ZNF184: variants seen among roughly 807,000 people sequenced by gnomAD.
ZNF184 encodes zinc finger protein 184.
Under a neutral mutation model 54.4 loss-of-function variants are expected in ZNF184, and 16 were observed. That is an observed-to-expected ratio of 0.29 (90% CI 0.20 to 0.45). The LOEUF is 0.45. Among genes scored for constraint, ZNF184 ranks in the 20% least tolerant of loss-of-function variants. The pLI is 1.00. For synonymous variants in ZNF184, 254 were observed against 295.3 expected (o/e 0.86, Z 1.43); for missense variants, 681 against 888.2 (o/e 0.77, Z 2.97).
intron 3 of ZNF184, among the ~76,000 whole-genome samples, chr6:27,459,232 C>T (rs1581580933): frequency 1.3e-5 from 2 of 151,954 alleles, no homozygotes; most frequent in South Asian, 2.1e-4. Flanking sequence ...AGAGAGGATT[C>T]GGAATATTCA....
Position 27,472,411 on chromosome 6 carries a change from G to T in ZNF184, c.-117C>A. ...GTCTAACTCCCCTTGCAGGGAATCT[G>T]CAACACGCTGAGGTTGTCTACCCTA... On this transcript the variant is annotated 5_prime_UTR_variant, in exon 2 of 6. Transcript: ENST00000683788. This position sits in a 1 kb window ranked among gnomAD's most constrained non-coding sequence, Gnocchi z 4.8. The T allele has an allele frequency of 7.5e-7, 1 of 1,341,258 alleles. No individual in the cohort carries two copies. The highest frequency in any genetic ancestry group is 1.1e-6 in the Non-Finnish European group (1 of 948,898). 83.1% of individuals were successfully genotyped at this position (1,341,258 alleles called of 1,614,324 possible). A position where few individuals can be genotyped will look rare whatever the true frequency, so the allele number is the denominator to read the frequency against.
intron 3 of ZNF184, among the ~76,000 whole-genome samples, chr6:27,458,877 C>A (rs1422855806): frequency 6.6e-6 from 1 of 152,174 alleles, no homozygotes; most frequent in African/African-American, 2.4e-5. Context: ...TATATATACA[C>A]AAGGGAATAC....
the ZNF184 span, among the ~76,000 whole-genome samples, chr6:27,424,645 T>C: frequency 4.6e-5 from 7 of 152,170 alleles, no homozygotes; most frequent in East Asian, 1.4e-3. Context: ...AGGGTGCTGA[T>C]TGGTGTGTTT....
chr6:27,452,488 C>T lies in ZNF184; in HGVS notation c.1071G>A (p.Thr357=), dbSNP rs374733457. 7.3e-5 allele frequency: 117 copies of T among 1,613,776 alleles called. No homozygotes were observed. Among genetic ancestry groups the T allele is most frequent in the Middle Eastern group, 3.3e-4 (2 of 6,084 alleles). The change falls in exon 6 of 6, where the codon ACG becomes ACA. Residue 357 remains threonine, a synonymous_variant. Transcript: ENST00000683788. This position sits in a 1 kb window ranked among gnomAD's most constrained non-coding sequence, Gnocchi z 5.5. ...CATCACATTTAAAAGGTTTTTCTCCCGTATGAATTTTCTGATGTTCCATAA... is the reference window on the plus strand; with the variant it reads ...CATCACATTTAAAAGGTTTTTCTCCTGTATGAATTTTCTGATGTTCCATAA... ...GHFMEHQKIH[T]GEKPFKCDEC...
chr6:27,429,099 A>G, the ZNF184 span, among the ~76,000 whole-genome samples: 1 of 152,210 alleles, frequency 6.6e-6, no homozygotes, highest in Non-Finnish European at 1.5e-5. Flanking sequence ...GCTAAGTCAT[A>G]AAAGGTGTTG....
At chr6:27,471,958 T>C (rs1407552168) in intron 2 of ZNF184, among the ~76,000 whole-genome samples, 1 of 152,226 alleles carries the variant, frequency 6.6e-6, no homozygotes, top group East Asian at 1.9e-4. Context: ...GACTCTTTCA[T>C]TGAAGGGATA....
At chr6:27,428,958 G>A in the ZNF184 span, among the ~76,000 whole-genome samples, 7,455 of 152,218 alleles carry the variant, frequency 0.049, 261 homozygotes, top group Non-Finnish European at 0.073. The surrounding 1 kb of genome is among the most constrained non-coding windows in gnomAD (Gnocchi z 4.1). Flanking sequence ...ACTCCTTCCC[G>A]CCTCAGCAGC....
the ZNF184 span, among the ~76,000 whole-genome samples, chr6:27,422,059 T>G: frequency 6.6e-6 from 1 of 150,436 alleles, no homozygotes; most frequent in Non-Finnish European, 1.5e-5. Flanking sequence ...GAGGATCGCT[T>G]GAGCCTAGGA....
At chr6:27,458,824 A>T (rs1358766660) in intron 3 of ZNF184, among the ~76,000 whole-genome samples, 3 of 152,230 alleles carry the variant, frequency 2.0e-5, no homozygotes, top group Non-Finnish European at 4.4e-5. Context: ...TATAGAATCA[A>T]CCTAAATGTC....
At chr6:27,421,960 A>T in the ZNF184 span, among the ~76,000 whole-genome samples, 1 of 151,636 alleles carries the variant, frequency 6.6e-6, no homozygotes, top group Middle Eastern at 3.2e-3. Flanking sequence ...GGTCCCAGCT[A>T]CTCAGGAAGC....
chr6:27,465,560 A>T (rs1373328342), intron 3 of ZNF184, among the ~76,000 whole-genome samples: 1 of 151,566 alleles, frequency 6.6e-6, no homozygotes, highest in Non-Finnish European at 1.5e-5. Context: ...AAATATAAAG[A>T]TACAAATAAG....
the ZNF184 span, among the ~76,000 whole-genome samples, chr6:27,413,274 A>C: frequency 6.6e-6 from 1 of 152,210 alleles, no homozygotes; most frequent in Non-Finnish European, 1.5e-5. Flanking sequence ...AAAGAAAGAA[A>C]AAAAAACAGA....
chr6:27,462,367 T>A (rs2092120), intron 3 of ZNF184, among the ~76,000 whole-genome samples: 97,650 of 151,218 alleles, frequency 0.65, 31,924 homozygotes, highest in Middle Eastern at 0.75. Flanking sequence ...CCGGCTAATT[T>A]TTTTGTATTT....
At position 27,456,889 on chromosome 6, in the gene ZNF184, G is replaced by T; in HGVS notation, c.235C>A (p.Gln79Lys). The change falls in exon 5 of 6, where the codon CAG (glutamine) becomes AAG (lysine). Residue 79 changes from glutamine to lysine, a missense_variant. Gln to Lys is a moderately conservative substitution (Grantham distance 53). Coordinates refer to ENST00000683788, the MANE Select transcript of ZNF184 (RefSeq NM_001318891.2). ...LQVSKPDVIS[Q>K]LEQGTEPWIM... ...CATGGCTCTGTCCCTTGCTCTAACT[G>T]GGAAATCACATCAGGTTTAGAAACT... The T allele has an allele frequency of 6.2e-7, 1 of 1,613,986 alleles. No homozygotes were observed. The highest frequency in any genetic ancestry group is 8.5e-7 in the Non-Finnish European group (1 of 1,179,994).
chr6:27,470,395 G>A (rs1289093617), intron 2 of ZNF184, among the ~76,000 whole-genome samples: 1 of 152,138 alleles, frequency 6.6e-6, no homozygotes, highest in Non-Finnish European at 1.5e-5. Flanking sequence ...AAGTATGTAA[G>A]TTTCATTTTG....
At chr6:27,429,552 C>G in the ZNF184 span, among the ~76,000 whole-genome samples, 2 of 152,138 alleles carry the variant, frequency 1.3e-5, no homozygotes, top group Non-Finnish European at 2.9e-5. Flanking sequence ...TGCTCTGGTG[C>G]CTGGTGCCCC....
chr6:27,452,015 G>A lies in ZNF184; in HGVS notation c.1544C>T (p.Ser515Leu). The A allele has an allele frequency of 1.9e-6, 3 of 1,613,912 alleles. No individual in the cohort carries two copies. The highest frequency in any genetic ancestry group is 2.5e-6 in the Non-Finnish European group (3 of 1,180,010). ...AGTTTTCTGATGCTGATTAAGGTTT[G>A]AGAGATAACTGAAAGCCTTTCCACA... ...SECGKAFSYL[S>L]NLNQHQKTHT... Residue 515 changes from serine to leucine, a missense_variant, in exon 6 of 6, where the codon TCA becomes TTA. Coordinates refer to ENST00000683788, the MANE Select transcript of ZNF184 (RefSeq NM_001318891.2). This position sits in a 1 kb window ranked among gnomAD's most constrained non-coding sequence, Gnocchi z 5.5.
chr6:27,416,402 A>T, the ZNF184 span, among the ~76,000 whole-genome samples: 11 of 152,324 alleles, frequency 7.2e-5, no homozygotes, highest in Admixed American at 4.6e-4. Context: ...TGAAAGGCAG[A>T]TCATCTAGCA....
intron 3 of ZNF184, among the ~76,000 whole-genome samples, chr6:27,464,161 G>C (rs1763067211): frequency 6.6e-6 from 1 of 151,976 alleles, no homozygotes; most frequent in East Asian, 1.9e-4. Context: ...TCACGATTGT[G>C]AACTACTGAT....
Sources: allele counts gnomAD v4.1 joint callset (sites outside exome capture counted in the v4.1 genomes callset), GRCh38; gene constraint gnomAD v4.1.1; non-coding constraint Gnocchi (gnomAD v3.1); transcripts MANE v1.5; gene names NCBI Gene and HGNC (gene_info 2026-07-23, HGNC 2026-07-21).